Variants in HLA-F observed in about 807,000 individuals in gnomAD.
HLA-F encodes the protein HLA class I histocompatibility antigen, alpha chain F.
A neutral mutation model predicts 49.5 loss-of-function variants in HLA-F; 46 were observed. The observed-to-expected ratio is 0.93, with a 90% confidence interval of 0.73 to 1.19. The LOEUF is 1.19. Among genes scored for constraint, HLA-F ranks in the 50% most tolerant of loss-of-function variants. The probability of loss-of-function intolerance (pLI) is 0.00; values close to 1 mark genes in which losing one functional copy is unlikely to be tolerated. For synonymous variants in HLA-F, 203 were observed against 233.5 expected, an observed-to-expected ratio of 0.87 and a Z score of 1.19; for missense variants, 496 against 579.6, an observed-to-expected ratio of 0.86 and a Z score of 1.48.
At chr6:29,725,847 G>C (rs1278682065) in intron 5 of HLA-F, 164 bp from the exon 6 acceptor site, 2 of 782,380 alleles carry the variant, frequency 2.6e-6, no homozygotes, top group African/African-American at 3.5e-5. Context: ...GAGGGCAGTT[G>C]GTCCAGGACC....
chr6:29,735,834 T>A (rs1777042267), intron 3 of HLA-F: 2 of 152,170 alleles, frequency 1.3e-5, no homozygotes, highest in Non-Finnish European at 2.9e-5. Context: ...AAGTTCTGTT[T>A]ATTTTTCTTC....
chr6:29,728,338 C>A, downstream of HLA-F: 1 of 331,162 alleles, frequency 3.0e-6, no homozygotes, highest in Non-Finnish European at 6.0e-6. Flanking sequence ...AGTGCTTAGG[C>A]CTGTAACCTG....
At chr6:29,736,245 G>T (rs768207605) in intron 3 of HLA-F, 3 of 365,344 alleles carry the variant, frequency 8.2e-6, no homozygotes, top group Non-Finnish European at 1.6e-5. Flanking sequence ...ACCTTGCATG[G>T]GCCTTTTTGG....
At chr6:29,734,958 T>G (rs1442475233) in intron 3 of HLA-F, 1 of 152,176 alleles carries the variant, frequency 6.6e-6, no homozygotes, top group Non-Finnish European at 1.5e-5. Context: ...TTATCATGTT[T>G]TTGAGATTCA....
rs775838425 is a variant in HLA-F, at chr6:29,726,954, C to G, written c.1108C>G (p.Gln370Glu). The change falls in exon 7 of 7, where the codon CAA becomes GAA. Residue 370 changes from glutamine to glutamate, a missense_variant. Physicochemically the swap from Gln to Glu is conservative, Grantham distance 29. Transcript: ENST00000259951. ...CTTATTTCTCCTGGGGGTGCTCTTC[C>G]AAGGATATTTGGGCTGCCTCCGGAG... ...SSLFLLGVLF[Q>E]GYLGCLRSHS... 2.0e-5 allele frequency: 32 copies of G among 1,612,108 alleles called. No individual in the cohort carries two copies. Among genetic ancestry groups the G allele is most frequent in the Non-Finnish European group, 2.7e-5 (32 of 1,179,960 alleles).
intron 3 of HLA-F, among the ~76,000 whole-genome samples, chr6:29,724,726 C>CT (rs1775816252): frequency 6.6e-6 from 1 of 152,150 alleles, no homozygotes; most frequent in Non-Finnish European, 1.5e-5. Flanking sequence ...CTCCAACAGC[C>CT]TTGGGCCCCG....
intron 3 of HLA-F, among the ~76,000 whole-genome samples, chr6:29,734,830 T>C (rs1776918844): frequency 6.6e-6 from 1 of 152,186 alleles, no homozygotes; most frequent in Non-Finnish European, 1.5e-5. Flanking sequence ...CATTTCCTCC[T>C]GCCACCAGAC....
downstream of HLA-F, among the ~76,000 whole-genome samples, chr6:29,727,548 T>A (rs1776225256): frequency 6.6e-6 from 1 of 152,194 alleles, no homozygotes; most frequent in African/African-American, 2.4e-5. Context: ...TGCCTTTAAC[T>A]TTTTTCCTCT....
downstream of HLA-F, among the ~76,000 whole-genome samples, chr6:29,731,238 TA>T (rs147669139): frequency 0.024 from 2,007 of 82,994 alleles, 51 homozygotes; most frequent in African/African-American, 0.08. Context: ...GATACATAGA[TA>T]GATAGATAGA....
chr6:29,725,886 C>T, intron 5 of HLA-F, 125 bp from the exon 6 acceptor site: 1 of 1,062,176 alleles, frequency 9.4e-7, no homozygotes, highest in East Asian at 2.4e-5. Context: ...ATTTCTTGAT[C>T]CTGCCCTGGA....
intron 3 of HLA-F, 132 bp from the exon 4 acceptor site, chr6:29,724,899 C>A: frequency 9.7e-7 from 1 of 1,028,588 alleles, no homozygotes; most frequent in Non-Finnish European, 1.4e-6. Flanking sequence ...TGTCTGTGTC[C>A]AGGCTGGTGT....
chr6:29,724,480 C>T, intron 3 of HLA-F, 32 bp downstream of exon 3: 1 of 1,605,558 alleles, frequency 6.2e-7, no homozygotes, highest in Non-Finnish European at 8.5e-7. Flanking sequence ...TTCCCTATCT[C>T]CTGTAGATCT....
intron 3 of HLA-F, 63 bp from the exon 4 acceptor site, chr6:29,724,968 A>G: frequency 1.3e-6 from 2 of 1,570,068 alleles, no homozygotes; most frequent in Non-Finnish European, 8.7e-7. Context: ...GGTTGGTCAC[A>G]TGGGTGCTGC....
chr6:29,728,260 C>T (rs1776294276), downstream of HLA-F: 1 of 360,800 alleles, frequency 2.8e-6, no homozygotes, highest in Non-Finnish European at 5.5e-6. Flanking sequence ...TGAGGGACAC[C>T]CTGAAGGAAA....
chr6:29,728,029 T>C (rs755647439), downstream of HLA-F: 1 of 519,036 alleles, frequency 1.9e-6, no homozygotes, highest in South Asian at 1.4e-5. Context: ...CCAGAGGACA[T>C]TAGCTATGTC....
intron 6 of HLA-F, 39 bp from the exon 7 acceptor site, chr6:29,726,844 T>C (rs1219528817): frequency 1.9e-6 from 3 of 1,597,670 alleles, no homozygotes; most frequent in Non-Finnish European, 2.5e-6. Context: ...ACATCCACAG[T>C]GAACACAAGT....
intron 6 of HLA-F, chr6:29,726,679 C>A: frequency 1.4e-6 from 2 of 1,425,658 alleles, no homozygotes; most frequent in Non-Finnish European, 1.9e-6. Context: ...TTAGGTGATC[C>A]CAATTTTGGT....
intron 3 of HLA-F, among the ~76,000 whole-genome samples, chr6:29,737,059 A>G (rs1487680419): frequency 2.0e-5 from 3 of 152,254 alleles, no homozygotes; most frequent in South Asian, 2.1e-4. Flanking sequence ...CAGCTAGTAT[A>G]TGAAAAGAAA....
intron 6 of HLA-F, chr6:29,726,559 A>G (rs1776103656): frequency 2.2e-6 from 3 of 1,353,970 alleles, no homozygotes; most frequent in Non-Finnish European, 2.9e-6. Context: ...ATGCACGTAA[A>G]TGTGTGTGTG....
Sources: allele counts gnomAD v4.1 joint callset (sites outside exome capture counted in the v4.1 genomes callset), GRCh38; gene constraint gnomAD v4.1.1; transcripts MANE v1.5; gene names NCBI Gene and HGNC (gene_info 2026-07-23, HGNC 2026-07-21).